The following GCNT1 variants were observed in gnomAD, a reference collection of about 807,000 sequenced individuals.
GCNT1 encodes glucosaminyl (N-acetyl) transferase 1, also known as beta-1,3-galactosyl-O-glycosyl-glycoprotein beta-1,6-N-acetylglucosaminyltransferase.
GCNT1 carries 16 observed loss-of-function variants against 26.2 expected under a neutral mutation model. The observed-to-expected ratio is 0.61, with a 90% confidence interval of 0.41 to 0.93. The LOEUF is 0.93. GCNT1 is among the 40% of genes least tolerant of loss of function. The pLI, the probability that GCNT1 is intolerant of heterozygous loss-of-function variation, is 0.00. For synonymous variants in GCNT1, 183 were observed against 190.8 expected, an observed-to-expected ratio of 0.96 and a Z score of 0.34; for missense variants, 477 against 526.7, an observed-to-expected ratio of 0.91 and a Z score of 0.92.
chr9:76,429,225 T>G (rs982973356), intron 1 of GCNT1, among the ~76,000 whole-genome samples: 2 of 152,226 alleles, frequency 1.3e-5, no homozygotes, highest in Non-Finnish European at 1.5e-5. Flanking sequence ...GTTCGGTTTT[T>G]TTCTGATTCT....
chr9:76,486,422 G>T (rs964907600), intron 2 of GCNT1, among the ~76,000 whole-genome samples: 6 of 152,164 alleles, frequency 3.9e-5, no homozygotes, highest in African/African-American at 1.4e-4. Flanking sequence ...TAGCTTGGCT[G>T]GTTATTTAGA....
intron 2 of GCNT1, among the ~76,000 whole-genome samples, chr9:76,499,389 A>G (rs1050662443): frequency 6.6e-6 from 1 of 152,120 alleles, no homozygotes; most frequent in African/African-American, 2.4e-5. Context: ...CAGCTTCCCA[A>G]AGTGCTGGGA....
chr9:76,483,153 A>C (rs1049818187), intron 2 of GCNT1, among the ~76,000 whole-genome samples: 14 of 152,240 alleles, frequency 9.2e-5, no homozygotes, highest in African/African-American at 3.1e-4. Context: ...AAGACATTTA[A>C]TACTGCTTCA....
intron 2 of GCNT1, among the ~76,000 whole-genome samples, chr9:76,462,474 T>TG (rs1823893904): frequency 6.6e-6 from 1 of 152,232 alleles, no homozygotes; most frequent in Non-Finnish European, 1.5e-5. Flanking sequence ...TCCTGTGCAT[T>TG]GCAGGATGTT....
At chr9:76,467,708 A>G (rs1467960367) in intron 2 of GCNT1, among the ~76,000 whole-genome samples, 1 of 152,050 alleles carries the variant, frequency 6.6e-6, no homozygotes, top group Non-Finnish European at 1.5e-5. Flanking sequence ...TGCATTTGTC[A>G]GTTGTGTGGA....
In GCNT1 at chr9:76,503,248, CGTG is replaced by C. The variant is rs1483116299; in HGVS notation, c.870_872del (p.Val291del). The C allele has an allele frequency of 1.2e-6, 2 of 1,613,956 alleles. No individual in the cohort carries two copies. The highest frequency in any genetic ancestry group is 2.7e-5 in the African/African-American group (2 of 74,896). On this transcript the variant is annotated inframe_deletion, in exon 4 of 4. Coordinates refer to ENST00000376730, the MANE Select transcript of GCNT1 (RefSeq NM_001490.5). ...CTCTCTTTTCTGGCAGTGCCTACTT[CGTG>C]GTCAGTAGGGAGTATGTGGGGTATG...
At chr9:76,409,434 T>C in the GCNT1 span, among the ~76,000 whole-genome samples, 1 of 152,178 alleles carries the variant, frequency 6.6e-6, no homozygotes, top group African/African-American at 2.4e-5. Context: ...TTTTTATTTT[T>C]ATTGATTTCT....
intron 2 of GCNT1, among the ~76,000 whole-genome samples, chr9:76,485,571 T>C (rs1411729007): frequency 6.6e-6 from 1 of 152,228 alleles, no homozygotes; most frequent in Non-Finnish European, 1.5e-5. Flanking sequence ...GGGTTCTCTG[T>C]TTCTCTCAAA....
chr9:76,448,288 C>CA (rs1587416616), intron 1 of GCNT1, among the ~76,000 whole-genome samples: 1 of 152,068 alleles, frequency 6.6e-6, no homozygotes, highest in South Asian at 2.1e-4. Context: ...CCTATCTCTA[C>CA]AAAAAATACA....
intron 1 of GCNT1, among the ~76,000 whole-genome samples, chr9:76,426,034 A>C (rs143578721): frequency 6.6e-6 from 1 of 152,216 alleles, no homozygotes; most frequent in Non-Finnish European, 1.5e-5. Flanking sequence ...CTCTAGCTGC[A>C]TGACTCCTAA....
At chr9:76,471,846 A>C (rs979065046) in intron 2 of GCNT1, among the ~76,000 whole-genome samples, 2 of 152,016 alleles carry the variant, frequency 1.3e-5, no homozygotes, top group East Asian at 1.9e-4. Context: ...ATAAGATGTA[A>C]ATTTTTTTTT....
chr9:76,430,692 CT>C (rs201310451), intron 1 of GCNT1, among the ~76,000 whole-genome samples: 1 of 150,964 alleles, frequency 6.6e-6, no homozygotes, highest in African/African-American at 2.4e-5. Flanking sequence ...GGTTAGTCCT[CT>C]TTTTTTTTGA....
upstream of GCNT1, among the ~76,000 whole-genome samples, chr9:76,419,215 T>G (rs1823159149): frequency 6.6e-6 from 1 of 152,134 alleles, no homozygotes. Flanking sequence ...CACCATCTTA[T>G]TTACATGATT....
intron 2 of GCNT1, among the ~76,000 whole-genome samples, chr9:76,477,526 CAA>C (rs61339359): frequency 5.6e-5 from 8 of 142,792 alleles, no homozygotes; most frequent in Admixed American, 1.4e-4. Context: ...ACTCTGTCTC[CAA>C]AAAAAAAAAG....
intron 2 of GCNT1, among the ~76,000 whole-genome samples, chr9:76,463,063 A>G (rs888297488): frequency 6.6e-6 from 1 of 152,230 alleles, no homozygotes; most frequent in Admixed American, 6.5e-5. Flanking sequence ...GGAGCGCTAC[A>G]TAATGTATGA....
the GCNT1 span, among the ~76,000 whole-genome samples, chr9:76,403,728 A>G: frequency 6.6e-6 from 1 of 152,218 alleles, no homozygotes; most frequent in African/African-American, 2.4e-5. Flanking sequence ...AGACTGTCTT[A>G]ATTTAGAAAG....
rs1443415538 is a variant in GCNT1 at position 76,460,625 on chromosome 9, T to TA, written c.-290+449dup. On this transcript the variant is annotated intron_variant, in intron 2 of 3. Coordinates refer to ENST00000376730, the MANE Select transcript of GCNT1 (RefSeq NM_001490.5). ...AGCAGGGAGGAAAACTCAGACTGTG[T>TA]AGATACCTGCTTTTTCTTAAAGGAA... is the stretch of plus-strand genomic sequence containing the variant. Among the ~76,000 whole-genome samples the TA allele has an allele frequency of 3.9e-5, 6 of 152,372 alleles. No homozygotes were observed. The East Asian group carries it at 9.6e-4, about 24-fold the overall frequency.
the GCNT1 span, among the ~76,000 whole-genome samples, chr9:76,405,953 A>G: frequency 1.3e-5 from 2 of 152,194 alleles, no homozygotes; most frequent in Admixed American, 1.3e-4. Flanking sequence ...GTTTAGTTTT[A>G]TAGGAAACTG....
chr9:76,398,070 A>C, the GCNT1 span, among the ~76,000 whole-genome samples: 1 of 152,182 alleles, frequency 6.6e-6, no homozygotes, highest in Non-Finnish European at 1.5e-5. Flanking sequence ...TCTGAACTGC[A>C]CTTGCACATC....
Sources: allele counts gnomAD v4.1 joint callset (sites outside exome capture counted in the v4.1 genomes callset), GRCh38; gene constraint gnomAD v4.1.1; transcripts MANE v1.5; gene names NCBI Gene and HGNC (gene_info 2026-07-23, HGNC 2026-07-21).